PRUNE2: variants seen among roughly 807,000 people sequenced by gnomAD.
PRUNE2 encodes the protein prune homolog 2 with BCH domain.
PRUNE2 carries 164 observed loss-of-function variants against 252.0 expected under a neutral mutation model. The ratio of observed to expected loss-of-function variants is 0.65; its 90% CI spans 0.57 to 0.74. The LOEUF (loss-of-function observed/expected upper bound fraction) is 0.74. Among genes scored for constraint, PRUNE2 ranks in the 30% least tolerant of loss-of-function variants. The pLI is 0.00. For missense variants in PRUNE2, 3,495 were observed against 3,711.0 expected (o/e 0.94, Z 1.51); for synonymous variants, 1,292 against 1,350.2 (o/e 0.96, Z 0.94).
chr9:76,650,029 A>T (rs1473750458), intron 11 of PRUNE2, among the ~76,000 whole-genome samples: 3 of 151,962 alleles, frequency 2.0e-5, no homozygotes, highest in African/African-American at 7.2e-5. Flanking sequence ...GGCTTCAAGT[A>T]TGTAAGTCCA....
intron 9 of PRUNE2, among the ~76,000 whole-genome samples, chr9:76,683,032 T>C (rs1029910206): frequency 4.6e-5 from 7 of 152,242 alleles, no homozygotes; most frequent in Non-Finnish European, 8.8e-5. Flanking sequence ...CTCCCCAGAC[T>C]CTTTCTTCTT....
chr9:76,821,701 T>C (rs7867090), intron 6 of PRUNE2, among the ~76,000 whole-genome samples: 129,646 of 152,148 alleles, frequency 0.85, 55,722 homozygotes, highest in African/African-American at 0.96. Flanking sequence ...CTTTCAGAGA[T>C]GTGCTTAACC....
At chr9:76,789,039 C>T (rs557808035) in intron 6 of PRUNE2, among the ~76,000 whole-genome samples, 1 of 152,306 alleles carries the variant, frequency 6.6e-6, no homozygotes, top group African/African-American at 2.4e-5. Context: ...GGTATTTCCT[C>T]ATAATTTTCT....
chr9:76,719,054 G>A (rs1195179248), intron 6 of PRUNE2, among the ~76,000 whole-genome samples: 1 of 152,104 alleles, frequency 6.6e-6, no homozygotes, highest in Admixed American at 6.6e-5. Context: ...CAGAACTTTA[G>A]CAGCAGCATC....
At chr9:76,854,350 T>C (rs2060126785) in intron 1 of PRUNE2, 142 bp from the exon 2 acceptor site, 1 of 469,850 alleles carries the variant, frequency 2.1e-6, no homozygotes, top group East Asian at 3.1e-5. Flanking sequence ...AAGTTTTACA[T>C]GAGAACATAA....
chr9:76,860,484 A>C (rs2060488896), intron 1 of PRUNE2, among the ~76,000 whole-genome samples: 1 of 152,236 alleles, frequency 6.6e-6, no homozygotes, highest in African/African-American at 2.4e-5. Context: ...TGGTAGAAGC[A>C]AGATGGAGTC....
In PRUNE2 at chr9:76,795,834, T is replaced by A. The variant is rs12000813; in HGVS notation, c.756+27798A>T. 9.6e-3 allele frequency among the ~76,000 whole-genome samples: 1,457 copies of A among 152,276 alleles called. 20 individuals are homozygous for A. The highest frequency in any genetic ancestry group is 0.033 in the African/African-American group (1,383 of 41,552). On this transcript the variant is annotated intron_variant, in intron 6 of 18. Transcript: ENST00000376718. Reference sequence around the variant, plus strand: ...ACATAAAAATCACACATAACTTTTTTAACAAATGGCCAGAAACCATTTAAT... The same window carrying A: ...ACATAAAAATCACACATAACTTTTTAAACAAATGGCCAGAAACCATTTAAT...
In PRUNE2 at chr9:76,731,289, T is replaced by G. The variant is rs1288078622; in HGVS notation, c.757-17568A>C. ...AACATATATTCCCTCTCTCTATCTA[T>G]CTATCTATCTATCTATCTATCTATA... On this transcript the variant is annotated intron_variant, in intron 6 of 18. Transcript: ENST00000376718. Among the ~76,000 whole-genome samples the G allele has an allele frequency of 6.2e-4, 47 of 75,534 alleles. 1 individual carries two copies. The highest frequency in any genetic ancestry group is 6.3e-4 in the Non-Finnish European group (25 of 39,828). The allele number at this position is 75,534 out of a possible 152,430, so 49.6% of individuals were successfully genotyped here.
intron 6 of PRUNE2, among the ~76,000 whole-genome samples, chr9:76,741,340 G>A (rs984102411): frequency 1.3e-5 from 2 of 152,198 alleles, no homozygotes; most frequent in African/African-American, 4.8e-5. Flanking sequence ...TCATGGAATA[G>A]ATGGCAACTA....
chr9:76,743,803 A>G (rs988766845), intron 6 of PRUNE2, among the ~76,000 whole-genome samples: 5 of 152,240 alleles, frequency 3.3e-5, no homozygotes, highest in African/African-American at 1.2e-4. Flanking sequence ...GTGTAAACAC[A>G]GAATTTGTTA....
chr9:76,891,246 T>C (rs774834141), intron 1 of PRUNE2, among the ~76,000 whole-genome samples: 1 of 152,188 alleles, frequency 6.6e-6, no homozygotes, highest in African/African-American at 2.4e-5. Context: ...AAGAGAGAAT[T>C]TGACAGAATT....
At chr9:76,657,581 C>T (rs1369187776) in intron 9 of PRUNE2, among the ~76,000 whole-genome samples, 2 of 152,176 alleles carry the variant, frequency 1.3e-5, no homozygotes, top group African/African-American at 4.8e-5. Context: ...CTGATTAACT[C>T]TGAGAAGATT....
intron 4 of PRUNE2, among the ~76,000 whole-genome samples, chr9:76,830,717 A>T (rs10869832): frequency 6.6e-6 from 1 of 151,422 alleles, no homozygotes; most frequent in East Asian, 1.9e-4. Flanking sequence ...GGATAAAGAC[A>T]AAGACAAACA....
At position 76,705,923 on chromosome 9, in the gene PRUNE2, A is replaced by G; in HGVS notation, c.6351T>C (p.Thr2117=). 6.2e-7 allele frequency: 1 copy of G among 1,613,986 alleles called. No individual in the cohort carries two copies. The highest frequency in any genetic ancestry group is 8.5e-7 in the Non-Finnish European group (1 of 1,179,886). The change falls in exon 8 of 19, where the codon ACT becomes ACC. Residue 2117 remains threonine (T), a synonymous_variant. Coordinates refer to ENST00000376718, the MANE Select transcript of PRUNE2 (RefSeq NM_015225.3). ...CCATGCAAGCACTGAGGTGCTTCTCAGTCTCTTGCTTTGCTTCAGAATCGT... is the reference window on the plus strand; with the variant it reads ...CCATGCAAGCACTGAGGTGCTTCTCGGTCTCTTGCTTTGCTTCAGAATCGT... ...ICHDSEAKQE[T]EKHLSACMGP... is the part of the protein sequence containing the mutation.
chr9:76,708,520 T>C lies in PRUNE2; in HGVS notation c.3754A>G (p.Ile1252Val), dbSNP rs1372475777. Residue 1252 changes from isoleucine to valine, a missense_variant, in exon 8 of 19, where the codon ATC becomes GTC. Transcript: ENST00000376718. ...DSEQRELPPEIPSHSANVKDT... is the reference protein window; with the variant it reads ...DSEQRELPPEVPSHSANVKDT... The stretch of plus-strand genomic sequence containing the variant: ...TTAACATTTGCTGAATGGCTGGGGA[T>C]TTCAGGAGGCAATTCCCTTTGCTCT... 1.2e-6 allele frequency: 2 copies of C among 1,613,874 alleles called. No individual in the cohort carries two copies. Among genetic ancestry groups the C allele is most frequent in the African/African-American group, 2.7e-5 (2 of 74,928 alleles).
chr9:76,731,729 C>A (rs1281196148), intron 6 of PRUNE2, among the ~76,000 whole-genome samples: 5 of 152,084 alleles, frequency 3.3e-5, no homozygotes, highest in African/African-American at 1.2e-4. Flanking sequence ...CTCATTGGTA[C>A]ACTTATTATT....
intron 6 of PRUNE2, among the ~76,000 whole-genome samples, chr9:76,820,197 C>T (rs1163164852): frequency 1.3e-5 from 2 of 152,200 alleles, no homozygotes; most frequent in East Asian, 3.8e-4. Flanking sequence ...GCCATTTCTA[C>T]ACACCGCCCC....
intron 1 of PRUNE2, among the ~76,000 whole-genome samples, chr9:76,896,040 G>T (rs1047139677): frequency 3.9e-5 from 6 of 152,190 alleles, no homozygotes; most frequent in African/African-American, 1.4e-4. Context: ...CTCCCAAAGT[G>T]CTGGGATTAT....
rs149411423 is a variant in PRUNE2, at chr9:76,654,669, C to T, written c.8356+754G>A. On this transcript the variant is annotated intron_variant, in intron 10 of 18. Coordinates refer to ENST00000376718, the MANE Select transcript of PRUNE2 (RefSeq NM_015225.3). ...TTAGTGCCTTTATCATTCAAAAGTA[C>T]ATTGTGAACTTGGAAGATTCAAATA... 2.9e-3 allele frequency among the ~76,000 whole-genome samples: 440 copies of T among 152,324 alleles called. 2 individuals carry two copies. The highest frequency in any genetic ancestry group is 0.01 in the African/African-American group (422 of 41,574).
Sources: gnomAD v4.1 joint callset for allele counts (sites outside exome capture counted in the v4.1 genomes callset) on GRCh38, gnomAD v4.1.1 for gene constraint, MANE v1.5 for transcripts, NCBI Gene and HGNC (gene_info 2026-07-23, HGNC 2026-07-21) for gene names.